The following TMC3 variants were observed in gnomAD, a reference collection of about 807,000 sequenced individuals.
The protein encoded by TMC3 is transmembrane channel like 3, also known as transmembrane channel-like protein 3.
In TMC3, 98 loss-of-function variants were observed where a neutral mutation model predicts 110.6. The observed-to-expected ratio is 0.89, with a 90% CI of 0.75 to 1.05. The LOEUF is 1.05. Among genes scored for constraint, TMC3 ranks in the 50% least tolerant of loss-of-function variants. TMC3 has a pLI of 0.00. For missense variants in TMC3, 1,319 were observed against 1,373.2 expected, an observed-to-expected ratio of 0.96 and a Z score of 0.62; for synonymous variants, 489 against 513.1, an observed-to-expected ratio of 0.95 and a Z score of 0.63.
rs540094012 is a variant in TMC3 at position 81,331,392 on chromosome 15, G to C, written c.*1027C>G. 2 of 152,350 alleles carry C rather than the reference G, an allele frequency of 1.3e-5. No individual in the cohort carries two copies. Among genetic ancestry groups the C allele is most frequent in the African/African-American group, 4.8e-5 (2 of 41,574 alleles). The allele number at this position is 152,350 out of a possible 1,614,324, so 9.4% of individuals were successfully genotyped here. A position where few individuals can be genotyped will look rare whatever the true frequency, so the allele number is the denominator to read the frequency against. ...CTGAGCCTCAAGGAATGTGAAACTA[G>C]CAAGTACAGATAAGGCTTGCTGAGC... is the stretch of plus-strand genomic sequence containing the variant. On this transcript the variant is annotated 3_prime_UTR_variant, in exon 22 of 22. Coordinates refer to ENST00000359440, the MANE Select transcript of TMC3 (RefSeq NM_001080532.3).
intron 3 of TMC3, among the ~76,000 whole-genome samples, chr15:81,364,398 C>T (rs1284629153): frequency 1.3e-5 from 2 of 151,986 alleles, no homozygotes; most frequent in African/African-American, 4.8e-5. Flanking sequence ...TATACCAAAT[C>T]TCCACAGCAA....
chr15:81,358,446 G>C lies in TMC3; in HGVS notation c.556C>G (p.Gln186Glu). Reference protein sequence around the residue: ...STARKTIPKEQVSSAQDLDTV... With the variant: ...STARKTIPKEEVSSAQDLDTV... ...TCCAGGTCTTGGGCAGACGAAACCT[G>C]CTCCTTGGGGATGGTCTTCCTGGCT... The change falls in exon 6 of 22, where the codon CAG (glutamine) becomes GAG (glutamate). Residue 186 changes from glutamine to glutamate, a missense_variant. Coordinates refer to ENST00000359440, the MANE Select transcript of TMC3 (RefSeq NM_001080532.3). 1 of 1,613,848 alleles carries C rather than the reference G, an allele frequency of 6.2e-7. No homozygotes were observed. Among genetic ancestry groups the C allele is most frequent in the Non-Finnish European group, 8.5e-7 (1 of 1,179,800 alleles).
intron 2 of TMC3, among the ~76,000 whole-genome samples, chr15:81,372,278 C>T: frequency 6.6e-6 from 1 of 151,182 alleles, no homozygotes; most frequent in Middle Eastern, 3.2e-3. Context: ...AAAGACTCTC[C>T]ACCAACACAC....
At chr15:81,358,651 T>C in intron 5 of TMC3, 151 bp from the exon 6 acceptor site, 3 of 653,708 alleles carry the variant, frequency 4.6e-6, no homozygotes, top group Non-Finnish European at 7.6e-6. Flanking sequence ...AATGAAAAAT[T>C]AATCTTGGGC....
Position 81,334,990 on chromosome 15 carries a change from A to G in TMC3, c.2204-15T>C, listed in dbSNP as rs756497157. 1 of 1,611,614 alleles carries G rather than the reference A, an allele frequency of 6.2e-7. No homozygotes were observed. Among genetic ancestry groups the G allele is most frequent in the African/African-American group, 1.3e-5 (1 of 74,912 alleles). On this transcript the variant is annotated splice_polypyrimidine_tract_variant and intron_variant, in intron 20 of 21. Transcript: ENST00000359440. ...CTGGATTCGGGCTGCAGGGAGAGGG[A>G]GGTGTTGTGAGAAGACAGGTGTCAC...
Position 81,351,833 on chromosome 15 carries a change from G to A in TMC3, c.944C>T (p.Thr315Ile), listed in dbSNP as rs1465945700. 9 of 1,612,232 alleles carry A rather than the reference G, an allele frequency of 5.6e-6. No individual in the cohort carries two copies. Among genetic ancestry groups the A allele is most frequent in the Middle Eastern group, 1.7e-4 (1 of 6,060 alleles). The change falls in exon 10 of 22, where the codon ACC (threonine) becomes ATC (isoleucine). Residue 315 changes from threonine to isoleucine, a missense_variant. Thr to Ile is a moderately conservative substitution (Grantham distance 89). Transcript: ENST00000359440. ...EKKKSKNLAVTICLRIIANIL... is the reference protein window; with the variant it reads ...EKKKSKNLAVIICLRIIANIL... ...GTTGGCAATAATCCTCAGGCAGATG[G>A]TCACTGCCCTGGGGAGAGAAACAGG... is the stretch of plus-strand genomic sequence containing the variant.
intron 12 of TMC3, among the ~76,000 whole-genome samples, chr15:81,345,957 C>T (rs1371254309): frequency 6.6e-6 from 1 of 152,102 alleles, no homozygotes. Context: ...GATAGTAAGT[C>T]CCCTCTGAAC....
intron 2 of TMC3, among the ~76,000 whole-genome samples, chr15:81,369,367 C>T (rs1235262189): frequency 6.6e-6 from 1 of 151,974 alleles, no homozygotes; most frequent in African/African-American, 2.4e-5. Flanking sequence ...CTTAATAGCC[C>T]AGCCAATGCA....
chr15:81,337,323 G>T (rs894627108), intron 19 of TMC3, among the ~76,000 whole-genome samples: 12 of 152,152 alleles, frequency 7.9e-5, no homozygotes, highest in African/African-American at 2.7e-4. Flanking sequence ...TGGAGGAGGA[G>T]AAATTGTGGG....
intron 3 of TMC3, among the ~76,000 whole-genome samples, chr15:81,364,691 AC>A (rs1244652220): frequency 6.2e-5 from 8 of 128,594 alleles, no homozygotes; most frequent in Admixed American, 1.5e-4. Flanking sequence ...ATAAAAAAAA[AC>A]ATTATTCCAA....
chr15:81,372,166 T>C (rs1203006840), intron 2 of TMC3, among the ~76,000 whole-genome samples: 2 of 151,952 alleles, frequency 1.3e-5, no homozygotes, highest in African/African-American at 4.8e-5. Context: ...GCAGCTAAAA[T>C]GAGTATCTCT....
chr15:81,356,213 A>G (rs144160685), intron 8 of TMC3, among the ~76,000 whole-genome samples: 2 of 152,338 alleles, frequency 1.3e-5, no homozygotes. Flanking sequence ...CTGAAATTTT[A>G]AAAGGATAAA....
chr15:81,336,058 A>G (rs1893587252), intron 20 of TMC3: 1 of 152,252 alleles, frequency 6.6e-6, no homozygotes, highest in South Asian at 2.1e-4. Context: ...TTCTGATTTT[A>G]CACATGTTTT....
intron 15 of TMC3, chr15:81,342,591 C>G (rs1226974663): frequency 6.6e-6 from 1 of 152,154 alleles, no homozygotes; most frequent in African/African-American, 2.4e-5. Context: ...AGGCGTATTA[C>G]TTTGTACCTC....
At chr15:81,335,106 G>A (rs6495564) in intron 20 of TMC3, 131 bp from the exon 21 acceptor site, 117,648 of 944,742 alleles carry the variant, frequency 0.12, 13,130 homozygotes, top group African/African-American at 0.52. Flanking sequence ...ACTTACAAAT[G>A]CACCTAACCA....
intron 4 of TMC3, among the ~76,000 whole-genome samples, chr15:81,360,451 G>A (rs1159505681): frequency 6.6e-6 from 1 of 152,034 alleles, no homozygotes; most frequent in African/African-American, 2.4e-5. Flanking sequence ...CCCATGACTT[G>A]ACATTTAGGA....
intron 2 of TMC3, 46 bp downstream of exon 2, chr15:81,372,545 G>A (rs754029946): frequency 1.9e-5 from 30 of 1,609,560 alleles, no homozygotes; most frequent in African/African-American, 8.0e-5. Flanking sequence ...GTGGTTTATC[G>A]GAAAGCATGC....
intron 4 of TMC3, 98 bp from the exon 5 acceptor site, chr15:81,359,569 G>A: frequency 1.3e-6 from 1 of 760,696 alleles, no homozygotes. Context: ...ACATCCACGG[G>A]ACATAGAGTA....
intron 7 of TMC3, 35 bp downstream of exon 7, chr15:81,358,114 C>T (rs760989803): frequency 9.1e-6 from 14 of 1,542,552 alleles, no homozygotes; most frequent in East Asian, 2.3e-5. Context: ...TATCATAACG[C>T]TTGATATGTA....
Sources: allele counts gnomAD v4.1 joint callset (sites outside exome capture counted in the v4.1 genomes callset), GRCh38; gene constraint gnomAD v4.1.1; transcripts MANE v1.5; gene names NCBI Gene and HGNC (gene_info 2026-07-23, HGNC 2026-07-21).